Variants in PEX5L observed in about 807,000 individuals in gnomAD.
The protein encoded by PEX5L is peroxisomal biogenesis factor 5 like, also known as PEX5-related protein.
Under a neutral mutation model 84.0 loss-of-function variants are expected in PEX5L, and 30 were observed. That is an observed-to-expected ratio of 0.36 (90% confidence interval 0.27 to 0.48). PEX5L has a LOEUF of 0.48. Among genes scored for constraint, PEX5L ranks in the 20% least tolerant of loss-of-function variants. The probability of loss-of-function intolerance (pLI) is 0.99; values close to 1 mark genes in which losing one functional copy is unlikely to be tolerated. For missense variants in PEX5L, 533 were observed against 754.6 expected (o/e 0.71, Z 3.44); for synonymous variants, 270 against 283.1 (o/e 0.95, Z 0.46).
chr3:179,888,035 T>C (rs1436848096), intron 3 of PEX5L: 5 of 920,552 alleles, frequency 5.4e-6, no homozygotes, highest in Non-Finnish European at 1.6e-6. Context: ...TCCCCCCTCC[T>C]GAAATATGAT....
In PEX5L at chr3:179,930,575, A is replaced by C. The variant is rs532280188; in HGVS notation, c.94-32329T>G. ...GCACTACCCCTGAGACTTGTCCTGT[A>C]CTATGTCTGGTCTTTCTCTAACTTA... On this transcript the variant is annotated intron_variant, in intron 2 of 14. Transcript: ENST00000467460. Among the ~76,000 whole-genome samples the C allele has an allele frequency of 2.0e-5, 3 of 152,318 alleles. No individual in the cohort carries two copies. The South Asian group carries it at 6.2e-4, about 32-fold the overall frequency.
chr3:179,915,449 A>G (rs1232833355), intron 2 of PEX5L, among the ~76,000 whole-genome samples: 1 of 152,226 alleles, frequency 6.6e-6, no homozygotes, highest in Non-Finnish European at 1.5e-5. Flanking sequence ...GAACTAGTAC[A>G]TTCGTATTCA....
chr3:179,808,319 T>C lies in PEX5L; in HGVS notation c.1471A>G (p.Asn491Asp), dbSNP rs1487286014. The change falls in exon 13 of 15, where the codon AAT (asparagine) becomes GAT (aspartate). Residue 491 changes from asparagine (N) to aspartate (D), a missense_variant. Asn to Asp is a conservative substitution (Grantham distance 23). Around this residue, in one of 8 missense-constraint regions of PEX5L, gnomAD observed 105 missense variants for 204.6 expected, o/e 0.51. Coordinates refer to ENST00000467460, the MANE Select transcript of PEX5L (RefSeq NM_016559.3). Reference sequence around the variant, plus strand: ...GCGTTAAATGCATCTATTGCTCTATTAAATTCTCCACTCAGGTGGAACAGA... The same window carrying C: ...GCGTTAAATGCATCTATTGCTCTATCAAATTCTCCACTCAGGTGGAACAGA... ...GVLFHLSGEF[N>D]RAIDAFNAAL... 2.5e-6 allele frequency: 4 copies of C among 1,605,336 alleles called. No homozygotes were observed. The highest frequency in any genetic ancestry group is 3.4e-6 in the Non-Finnish European group (4 of 1,176,450).
chr3:179,882,707 T>C (rs80050053), intron 4 of PEX5L, among the ~76,000 whole-genome samples: 4,691 of 152,262 alleles, frequency 0.031, 243 homozygotes, highest in African/African-American at 0.11. Context: ...GTAGGTGGTG[T>C]CTGCTCTGCT....
chr3:180,029,987 T>C (rs535750324), intron 1 of PEX5L, among the ~76,000 whole-genome samples: 3 of 152,320 alleles, frequency 2.0e-5, no homozygotes, highest in South Asian at 2.1e-4. Context: ...TTAATTTTTC[T>C]TCTTTCTCAC....
intron 8 of PEX5L, among the ~76,000 whole-genome samples, chr3:179,821,056 A>T (rs1728334113): frequency 2.0e-5 from 3 of 152,128 alleles, no homozygotes; most frequent in Non-Finnish European, 4.4e-5. Context: ...TCAAGGAACC[A>T]CTTTGGCCTT....
intron 6 of PEX5L, 89 bp from the exon 7 acceptor site, chr3:179,874,512 T>C: frequency 1.5e-6 from 1 of 682,610 alleles, no homozygotes; most frequent in Middle Eastern, 2.5e-4. Flanking sequence ...TTTGGATCAT[T>C]GAAAGCCATG....
intron 3 of PEX5L, among the ~76,000 whole-genome samples, chr3:179,890,313 G>A (rs895088502): frequency 3.3e-5 from 5 of 152,134 alleles, no homozygotes; most frequent in Admixed American, 6.5e-5. Context: ...CACCCTATAC[G>A]CATAGAAATT....
chr3:179,864,078 T>C (rs1017020406), intron 7 of PEX5L, among the ~76,000 whole-genome samples: 1 of 152,134 alleles, frequency 6.6e-6, no homozygotes, highest in African/African-American at 2.4e-5. Flanking sequence ...TTCACCATGA[T>C]TGTGTGGCCT....
chr3:179,898,936 T>C (rs1217695010), intron 2 of PEX5L, among the ~76,000 whole-genome samples: 1 of 152,114 alleles, frequency 6.6e-6, no homozygotes, highest in Non-Finnish European at 1.5e-5. Context: ...TAAAGGATAA[T>C]TAATACGTAA....
intron 9 of PEX5L, 84 bp downstream of exon 9, chr3:179,819,776 A>G: frequency 8.8e-7 from 1 of 1,141,094 alleles, no homozygotes; most frequent in Non-Finnish European, 1.3e-6. Context: ...TGTTTTTGAC[A>G]GAATAGCTAT....
At chr3:179,867,617 G>C (rs536063738) in intron 7 of PEX5L, among the ~76,000 whole-genome samples, 117 of 152,220 alleles carry the variant, frequency 7.7e-4, no homozygotes, top group Admixed American at 1.4e-3. Flanking sequence ...GTATCTAATA[G>C]TTTCTGTTAG....
intron 7 of PEX5L, among the ~76,000 whole-genome samples, chr3:179,872,805 C>T (rs1186644880): frequency 6.6e-6 from 1 of 152,200 alleles, no homozygotes; most frequent in Non-Finnish European, 1.5e-5. Context: ...GTACCAATCA[C>T]TTTAGCTGAG....
chr3:179,979,304 T>C (rs1345681021), intron 1 of PEX5L, among the ~76,000 whole-genome samples: 1 of 152,200 alleles, frequency 6.6e-6, no homozygotes, highest in African/African-American at 2.4e-5. Flanking sequence ...CCAGTTTTTC[T>C]TTCAGCTGGC....
At chr3:179,896,696 A>T (rs1759429438) in intron 3 of PEX5L, among the ~76,000 whole-genome samples, 1 of 152,082 alleles carries the variant, frequency 6.6e-6, no homozygotes, top group Admixed American at 6.6e-5. Context: ...AACTGTGCCA[A>T]TTGCAAATTT....
At chr3:179,819,267 T>G (rs1727528291) in intron 9 of PEX5L, among the ~76,000 whole-genome samples, 1 of 152,156 alleles carries the variant, frequency 6.6e-6, no homozygotes, top group Non-Finnish European at 1.5e-5. Flanking sequence ...CTAGAGCAAC[T>G]GGGACTTCAT....
intron 5 of PEX5L, among the ~76,000 whole-genome samples, chr3:179,876,266 G>C (rs554238839): frequency 6.6e-6 from 1 of 152,160 alleles, no homozygotes; most frequent in African/African-American, 2.4e-5. Context: ...GGCAGAGGCG[G>C]GTGGATCACC....
At chr3:179,951,135 A>G (rs553288078) in intron 2 of PEX5L, among the ~76,000 whole-genome samples, 11 of 152,342 alleles carry the variant, frequency 7.2e-5, no homozygotes, top group Middle Eastern at 3.4e-3. Context: ...CAATGAAATA[A>G]TATCGAGCTT....
chr3:179,844,943 A>G (rs902826998), intron 8 of PEX5L, among the ~76,000 whole-genome samples: 2 of 152,232 alleles, frequency 1.3e-5, no homozygotes, highest in African/African-American at 4.8e-5. Context: ...TGCTATCATT[A>G]CAGAAACATA....
Sources: allele counts gnomAD v4.1 joint callset (sites outside exome capture counted in the v4.1 genomes callset), GRCh38; gene constraint gnomAD v4.1.1; regional missense constraint gnomAD v4.1.1; transcripts MANE v1.5; gene names NCBI Gene and HGNC (gene_info 2026-07-23, HGNC 2026-07-21).